MYO16: variants seen among roughly 807,000 people sequenced by gnomAD.
MYO16 encodes myosin XVI.
In MYO16, 94 loss-of-function variants were observed where a neutral mutation model predicts 205.3. The observed-to-expected ratio is 0.46, with a 90% confidence interval of 0.39 to 0.54. The LOEUF is 0.54. MYO16 is among the 20% of genes least tolerant of loss of function. MYO16 has a pLI of 0.00. For missense variants in MYO16, 2,315 were observed against 2,387.5 expected (o/e 0.97, Z 0.63); for synonymous variants, 988 against 954.0 (o/e 1.04, Z -0.66).
At chr13:108,854,972 A>G (rs533119547) in intron 10 of MYO16, among the ~76,000 whole-genome samples, 1 of 152,356 alleles carries the variant, frequency 6.6e-6, no homozygotes, top group South Asian at 2.1e-4. Flanking sequence ...CTCATCCTAC[A>G]TGAATGCAGA....
rs186165876 is a variant in MYO16, at chr13:108,759,559, C to T, written c.508-26076C>T. 7.7e-4 allele frequency among the ~76,000 whole-genome samples: 118 copies of T among 152,260 alleles called. 1 individual carries two copies. The highest frequency in any genetic ancestry group is 3.4e-3 in the Middle Eastern group (1 of 294). ...TATTTGGGCCGGGCGTGGTGGCTCA[C>T]GCCTGTAATCCCAGCACTTTGGGAG... is the stretch of plus-strand genomic sequence containing the variant. On this transcript the variant is annotated intron_variant, in intron 4 of 34. Transcript: ENST00000457511.
At chr13:109,077,641 A>T (rs887994956) in intron 27 of MYO16, among the ~76,000 whole-genome samples, 1 of 152,130 alleles carries the variant, frequency 6.6e-6, no homozygotes, top group Non-Finnish European at 1.5e-5. Context: ...TCTGTCTTGC[A>T]CTTTTTCCAA....
intron 20 of MYO16, among the ~76,000 whole-genome samples, chr13:108,984,283 G>C (rs1366221054): frequency 6.6e-6 from 1 of 152,124 alleles, no homozygotes; most frequent in African/African-American, 2.4e-5. Context: ...ATCACTCTTA[G>C]AAATCCTCAT....
the MYO16 span, among the ~76,000 whole-genome samples, chr13:108,555,371 A>T: frequency 2.6e-5 from 4 of 152,310 alleles, no homozygotes; most frequent in South Asian, 8.3e-4. Flanking sequence ...TGATGTTTTG[A>T]AATAGAATTT....
At chr13:108,582,664 A>G in the MYO16 span, among the ~76,000 whole-genome samples, 1 of 152,152 alleles carries the variant, frequency 6.6e-6, no homozygotes, top group Non-Finnish European at 1.5e-5. Context: ...GAATCTTGAG[A>G]AGACTGGATA....
At chr13:108,808,509 C>T (rs968141309) in intron 7 of MYO16, among the ~76,000 whole-genome samples, 6 of 151,876 alleles carry the variant, frequency 4.0e-5, no homozygotes, top group South Asian at 2.1e-4. Context: ...GACAGGGTTT[C>T]GCTATGTTGC....
At chr13:109,138,985 A>T (rs921198384) in intron 31 of MYO16, among the ~76,000 whole-genome samples, 1 of 151,790 alleles carries the variant, frequency 6.6e-6, no homozygotes, top group Non-Finnish European at 1.5e-5. Context: ...CGCCCAGCTA[A>T]TTTTTTGTAT....
At position 108,930,131 on chromosome 13, in the gene MYO16, GATC is replaced by G. The variant is rs1436337005; in HGVS notation, c.1925+19984_1925+19986del. ...TAGACTGAAAGCATATTGCAAAATT[GATC>G]ATTCTTACTTCACCAAATAAGGGGA... On this transcript the variant is annotated intron_variant, in intron 16 of 34. Coordinates refer to ENST00000457511, the MANE Select transcript of MYO16 (RefSeq NM_001198950.3). Among the ~76,000 whole-genome samples the G allele has an allele frequency of 6.6e-5, 10 of 152,184 alleles. No individual in the cohort carries two copies. In the East Asian group the frequency reaches 1.7e-3, roughly 26 times the overall value.
At chr13:108,917,992 G>A (rs1485426302) in intron 16 of MYO16, among the ~76,000 whole-genome samples, 1 of 152,224 alleles carries the variant, frequency 6.6e-6, no homozygotes, top group Non-Finnish European at 1.5e-5. Context: ...CGGTTGCTTT[G>A]TTAACTAACC....
intron 2 of MYO16, 25 bp downstream of exon 2, chr13:108,666,174 G>T: frequency 6.4e-7 from 1 of 1,559,854 alleles, no homozygotes; most frequent in Non-Finnish European, 8.7e-7. Flanking sequence ...AGAAGGACCC[G>T]TTTTCTGATG....
intron 1 of MYO16, among the ~76,000 whole-genome samples, chr13:108,620,036 C>T (rs78278580): frequency 2.0e-5 from 3 of 152,216 alleles, no homozygotes; most frequent in East Asian, 1.9e-4. Flanking sequence ...AGTCATGCTC[C>T]TTTATGGCTG....
chr13:108,610,595 G>C (rs774567092), intron 1 of MYO16, among the ~76,000 whole-genome samples: 1 of 152,160 alleles, frequency 6.6e-6, no homozygotes, highest in Non-Finnish European at 1.5e-5. Flanking sequence ...TGATGGAAGC[G>C]TGCGATGTCG....
At chr13:108,628,244 T>G (rs937215230), upstream of MYO16, among the ~76,000 whole-genome samples, 2 of 152,186 alleles carry the variant, frequency 1.3e-5, no homozygotes, top group African/African-American at 4.8e-5. Flanking sequence ...AATAATTAAT[T>G]GTGGAATCAA....
chr13:109,146,262 G>A (rs1434164264), intron 32 of MYO16, among the ~76,000 whole-genome samples: 2 of 152,194 alleles, frequency 1.3e-5, no homozygotes, highest in African/African-American at 4.8e-5. Flanking sequence ...AACATTATGA[G>A]TTTGGAGTGA....
chr13:109,059,330 C>G (rs568805885), intron 27 of MYO16, among the ~76,000 whole-genome samples: 10 of 152,248 alleles, frequency 6.6e-5, no homozygotes, highest in Non-Finnish European at 1.3e-4. Flanking sequence ...TTACATAATT[C>G]CTCCTTGATC....
intron 34 of MYO16, among the ~76,000 whole-genome samples, chr13:109,202,175 G>A (rs190282391): frequency 5.3e-5 from 8 of 152,004 alleles, no homozygotes; most frequent in Admixed American, 3.9e-4. Flanking sequence ...GCATGTGCAC[G>A]TATTTTTTTT....
chr13:108,712,921 AGAGT>A (rs1315660164), intron 3 of MYO16, among the ~76,000 whole-genome samples, 190 bp downstream of exon 3: 5 of 152,268 alleles, frequency 3.3e-5, no homozygotes, highest in African/African-American at 1.2e-4. Flanking sequence ...TAAATAATCT[AGAGT>A]TTCTACCCTA....
chr13:108,785,979 C>T (rs2053128464), intron 5 of MYO16, among the ~76,000 whole-genome samples: 1 of 152,140 alleles, frequency 6.6e-6, no homozygotes, highest in Non-Finnish European at 1.5e-5. Flanking sequence ...AATGAAGGGA[C>T]ATTTTAACAG....
At chr13:108,855,336 A>T (rs912107741) in intron 10 of MYO16, 107 bp from the exon 11 acceptor site, 20 of 533,656 alleles carry the variant, frequency 3.7e-5, no homozygotes, top group Non-Finnish European at 2.9e-5. Context: ...TTCCTAACTC[A>T]GGTTGTCTTC....
Sources: allele counts gnomAD v4.1 joint callset (sites outside exome capture counted in the v4.1 genomes callset), GRCh38; gene constraint gnomAD v4.1.1; transcripts MANE v1.5; gene names NCBI Gene and HGNC (gene_info 2026-07-23, HGNC 2026-07-21).